MYRIP: variants seen among roughly 807,000 people sequenced by gnomAD.
MYRIP encodes the protein rab effector MyRIP.
MYRIP carries 49 observed loss-of-function variants against 98.0 expected under a neutral mutation model. That is an observed-to-expected ratio of 0.50 (90% CI 0.40 to 0.63). The LOEUF (loss-of-function observed/expected upper bound fraction) is 0.63, where lower values mean the gene tolerates loss of function less well. Among genes scored for constraint, MYRIP ranks in the 30% least tolerant of loss-of-function variants. The probability of loss-of-function intolerance (pLI) is 0.00; values close to 1 mark genes in which losing one functional copy is unlikely to be tolerated. For synonymous variants in MYRIP, 404 were observed against 409.5 expected, an observed-to-expected ratio of 0.99 and a Z score of 0.16; for missense variants, 1,004 against 1,058.2, an observed-to-expected ratio of 0.95 and a Z score of 0.71.
chr3:40,022,681 G>A (rs1196973556), intron 2 of MYRIP, among the ~76,000 whole-genome samples: 1 of 152,126 alleles, frequency 6.6e-6, no homozygotes, highest in African/African-American at 2.4e-5. Flanking sequence ...GCAGGAGCAG[G>A]GAAGGTGCCA....
chr3:40,130,623 G>A (rs1372862175), intron 3 of MYRIP, among the ~76,000 whole-genome samples: 7 of 151,626 alleles, frequency 4.6e-5, no homozygotes, highest in South Asian at 4.2e-4. Context: ...CTCGTGATCC[G>A]CCCGCCTCGG....
chr3:40,039,281 TA>T (rs1947457388), intron 2 of MYRIP, among the ~76,000 whole-genome samples: 1 of 152,144 alleles, frequency 6.6e-6, no homozygotes, highest in Admixed American at 6.6e-5. Flanking sequence ...AGGTTAACAT[TA>T]ATGTTGAAAA....
At chr3:39,866,019 T>C (rs565369225) in intron 1 of MYRIP, among the ~76,000 whole-genome samples, 118 of 152,286 alleles carry the variant, frequency 7.7e-4, no homozygotes, top group Non-Finnish European at 1.4e-3. Flanking sequence ...TTACGTCCTT[T>C]GTAGCAACAT....
intron 1 of MYRIP, among the ~76,000 whole-genome samples, chr3:39,816,258 A>G (rs1211536498): frequency 6.6e-6 from 1 of 151,772 alleles, no homozygotes; most frequent in East Asian, 1.9e-4. Context: ...AATTTTTTGT[A>G]TTTTTAGTAG....
At chr3:39,912,934 G>A (rs1944058997) in intron 2 of MYRIP, among the ~76,000 whole-genome samples, 1 of 152,172 alleles carries the variant, frequency 6.6e-6, no homozygotes, top group South Asian at 2.1e-4. Flanking sequence ...CAGCTACTCA[G>A]GAGGCCGAGA....
intron 2 of MYRIP, among the ~76,000 whole-genome samples, chr3:39,998,057 A>G (rs1281727937): frequency 6.6e-6 from 1 of 152,222 alleles, no homozygotes; most frequent in Non-Finnish European, 1.5e-5. Context: ...GCTATCTATG[A>G]CAAACCCACA....
Position 40,056,357 on chromosome 3 carries a change from T to A in MYRIP, c.332+12086T>A, listed in dbSNP as rs1459595641. ...ATCAGGTTGGTTTTCAGCTAAGTAC[T>A]TGCTGATTTTAGACCTTTGGCCTCA... On this transcript the variant is annotated intron_variant, in intron 3 of 16. Transcript: ENST00000302541. Among the ~76,000 whole-genome samples the A allele has an allele frequency of 3.3e-5, 5 of 152,308 alleles. No homozygotes were observed. The East Asian group carries it at 9.7e-4, about 29-fold the overall frequency.
chr3:39,946,362 C>T (rs913433484), intron 2 of MYRIP, among the ~76,000 whole-genome samples: 14 of 152,110 alleles, frequency 9.2e-5, no homozygotes, highest in African/African-American at 3.4e-4. Flanking sequence ...CTGGTGTATG[C>T]ATCTTACATA....
intron 3 of MYRIP, among the ~76,000 whole-genome samples, chr3:40,118,877 G>A (rs982363913): frequency 4.6e-5 from 7 of 151,712 alleles, no homozygotes; most frequent in Non-Finnish European, 7.4e-5. Context: ...ATGGTTTCCA[G>A]CTTCATCCAT....
chr3:40,244,747 G>A (rs534079437), intron 13 of MYRIP, 140 bp downstream of exon 13: 1 of 947,556 alleles, frequency 1.1e-6, no homozygotes, highest in South Asian at 2.0e-5. Flanking sequence ...AGTCCTTCCA[G>A]ATGGATTCCA....
intron 11 of MYRIP, among the ~76,000 whole-genome samples, chr3:40,229,678 C>T (rs1006109208): frequency 2.0e-5 from 3 of 152,196 alleles, no homozygotes; most frequent in African/African-American, 7.2e-5. Context: ...GTGTGCTTCT[C>T]CTCATCTTCT....
intron 1 of MYRIP, among the ~76,000 whole-genome samples, chr3:39,811,834 T>C (rs1488404970): frequency 1.3e-5 from 2 of 152,056 alleles, no homozygotes; most frequent in Admixed American, 1.3e-4. Context: ...TTTGAGAAAG[T>C]GAAGTGTTAG....
At chr3:39,818,269 C>T (rs1266031008) in intron 1 of MYRIP, among the ~76,000 whole-genome samples, 2 of 152,100 alleles carry the variant, frequency 1.3e-5, no homozygotes, top group South Asian at 2.1e-4. Flanking sequence ...ATCTTGCCAT[C>T]GGTAGTATAT....
intron 2 of MYRIP, among the ~76,000 whole-genome samples, chr3:40,036,324 A>AAAAAAAAAAAAAAAAAAAAAAC (rs1553607293): frequency 1.6e-5 from 2 of 125,628 alleles, no homozygotes; most frequent in South Asian, 2.4e-4. Context: ...AAAAAAAAAA[A>AAAAAAAAAAAAAAAAAAAAAAC]CTTTATTCAA....
chr3:40,094,967 G>C (rs1486325804), intron 3 of MYRIP, among the ~76,000 whole-genome samples: 1 of 152,096 alleles, frequency 6.6e-6, no homozygotes, highest in Non-Finnish European at 1.5e-5. Context: ...ACTGAACAAA[G>C]GTCCTCAGCA....
At chr3:40,189,278 A>G (rs1391564195) in intron 9 of MYRIP, among the ~76,000 whole-genome samples, 2 of 152,236 alleles carry the variant, frequency 1.3e-5, no homozygotes, top group Non-Finnish European at 2.9e-5. Flanking sequence ...AGAGTGAGGC[A>G]TGTTCCTTGA....
chr3:40,114,642 C>A (rs1313171458), intron 3 of MYRIP, among the ~76,000 whole-genome samples: 1 of 152,114 alleles, frequency 6.6e-6, no homozygotes, highest in Non-Finnish European at 1.5e-5. Context: ...GACAAGGAAG[C>A]CTTTGAAAAG....
chr3:40,173,061 G>A (rs1394412621), intron 8 of MYRIP: 1 of 152,166 alleles, frequency 6.6e-6, no homozygotes, highest in Non-Finnish European at 1.5e-5. Context: ...GTATGGGAAG[G>A]GGGTCATCAC....
intron 1 of MYRIP, among the ~76,000 whole-genome samples, chr3:39,877,369 G>T (rs1159280522): frequency 1.3e-5 from 2 of 152,074 alleles, no homozygotes; most frequent in East Asian, 3.9e-4. Flanking sequence ...GTCCAGCTTT[G>T]TTCCATTGCT....
Sources: gnomAD v4.1 joint callset for allele counts (sites outside exome capture counted in the v4.1 genomes callset) on GRCh38, gnomAD v4.1.1 for gene constraint, MANE v1.5 for transcripts, NCBI Gene and HGNC (gene_info 2026-07-23, HGNC 2026-07-21) for gene names.